The following YPEL1 variants were observed in gnomAD, a reference collection of about 807,000 sequenced individuals.
YPEL1 encodes the protein yippee like 1.
Under a neutral mutation model 17.3 loss-of-function variants are expected in YPEL1, and 7 were observed. That is an observed-to-expected ratio of 0.40 (90% confidence interval 0.23 to 0.76). The LOEUF is 0.76. YPEL1 is among the 30% of genes least tolerant of loss of function. YPEL1 has a pLI of 0.35. For synonymous variants in YPEL1, 59 were observed against 59.6 expected, an observed-to-expected ratio of 0.99 and a Z score of 0.05; for missense variants, 91 against 155.5, an observed-to-expected ratio of 0.59 and a Z score of 2.21.
rs1330300531 is a variant in YPEL1 at position 21,701,072 on chromosome 22, T to C, written c.*57A>G. ...TCACCAGATGCTCCTACGTTTCCATTACATTCACAGTTTCTTTCACAAAAC... is the reference window on the plus strand; with the variant it reads ...TCACCAGATGCTCCTACGTTTCCATCACATTCACAGTTTCTTTCACAAAAC... On this transcript the variant is annotated 3_prime_UTR_variant, in exon 5 of 5. Transcript: ENST00000339468. 6.7e-7 allele frequency: 1 copy of C among 1,502,718 alleles called. No individual in the cohort carries two copies. Among genetic ancestry groups the C allele is most frequent in the African/African-American group, 1.4e-5 (1 of 72,586 alleles). The allele number at this position is 1,502,718 out of a possible 1,614,324, so 93.1% of individuals were successfully genotyped here.
intron 1 of YPEL1, among the ~76,000 whole-genome samples, chr22:21,733,544 G>C (rs184935981): frequency 2.0e-5 from 3 of 152,222 alleles, no homozygotes; most frequent in Admixed American, 6.5e-5. Flanking sequence ...ACCAGCAACA[G>C]AGTGAGATCC....
At chr22:21,719,605 C>G (rs560513656) in intron 1 of YPEL1, among the ~76,000 whole-genome samples, 44 of 152,268 alleles carry the variant, frequency 2.9e-4, no homozygotes, top group African/African-American at 8.4e-4. Flanking sequence ...GTAGTATCAG[C>G]CAGGGGCGGT....
rs1376688549 is a variant in YPEL1, at chr22:21,701,169, A to G, written c.320T>C (p.Ile107Thr). 1 of 1,614,118 alleles carries G rather than the reference A, an allele frequency of 6.2e-7. No homozygotes were observed. The highest frequency in any genetic ancestry group is 1.7e-5 in the Admixed American group (1 of 60,028). ...GTCTTTGATCATATGAGCAAGCTCA[A>G]TGATGAATTTTCCTTCCTTATATTT... ...SQKYKEGKFI[I>T]ELAHMIKDNG... Residue 107 changes from isoleucine (I) to threonine (T), a missense_variant, in exon 5 of 5, where the codon ATT (isoleucine) becomes ACT (threonine). Transcript: ENST00000339468.
chr22:21,707,120 TAAAA>T (rs917460276), intron 2 of YPEL1, among the ~76,000 whole-genome samples: 2 of 151,958 alleles, frequency 1.3e-5, no homozygotes, highest in African/African-American at 2.4e-5. Context: ...TTATATAATT[TAAAA>T]AAAATTAAAA....
chr22:21,718,652 G>A (rs186461891), intron 1 of YPEL1, among the ~76,000 whole-genome samples: 230 of 152,158 alleles, frequency 1.5e-3, no homozygotes, highest in Non-Finnish European at 2.5e-3. Flanking sequence ...ACATCTGCAG[G>A]AGAAGAGAAA....
rs143798268 is a variant in YPEL1 at position 21,716,199 on chromosome 22, G to A, written c.-164-5291C>T. 6.4e-3 allele frequency among the ~76,000 whole-genome samples: 982 copies of A among 152,258 alleles called. 12 individuals carry two copies. Among genetic ancestry groups the A allele is most frequent in the African/African-American group, 0.022 (924 of 41,550 alleles). On this transcript the variant is annotated intron_variant, in intron 1 of 4. Coordinates refer to ENST00000339468, the MANE Select transcript of YPEL1 (RefSeq NM_013313.5). The stretch of plus-strand genomic sequence containing the variant: ...GCTGGGATTACAGGAGTGAGCCACC[G>A]CGCCCAGACTAAAAGTTACATTTTT...
At chr22:21,718,128 C>CAA (rs55677107) in intron 1 of YPEL1, among the ~76,000 whole-genome samples, 1,730 of 130,318 alleles carry the variant, frequency 0.013, 79 homozygotes, top group Admixed American at 0.095. Context: ...GACTCTGTCT[C>CAA]AAAAAAAAAA....
At chr22:21,702,954 CTCTCTG>C (rs1405930541) in intron 4 of YPEL1, among the ~76,000 whole-genome samples, 2 of 152,170 alleles carry the variant, frequency 1.3e-5, no homozygotes, top group East Asian at 3.9e-4. Context: ...CATGGGGCAG[CTCTCTG>C]TCTCTGACTC....
At chr22:21,701,975 CAGA>C (rs1366860852) in intron 4 of YPEL1, among the ~76,000 whole-genome samples, 1 of 152,234 alleles carries the variant, frequency 6.6e-6, no homozygotes, top group South Asian at 2.1e-4. Flanking sequence ...TGCTTCAGCC[CAGA>C]AGGTCAAAGC....
At chr22:21,710,584 CAG>C in intron 2 of YPEL1, 42 bp downstream of exon 2, 1 of 1,448,470 alleles carries the variant, frequency 6.9e-7, no homozygotes, top group Non-Finnish European at 9.7e-7. Flanking sequence ...ACCACAATGA[CAG>C]ATAATCATTG....
intron 1 of YPEL1, among the ~76,000 whole-genome samples, chr22:21,717,403 G>A (rs530118778): frequency 6.6e-6 from 1 of 150,562 alleles, no homozygotes; most frequent in Non-Finnish European, 1.5e-5. Flanking sequence ...CAAAAAAACA[G>A]TGAGGAAGGT....
chr22:21,703,331 C>T lies in YPEL1; in HGVS notation c.270+39G>A, dbSNP rs2068083203. On this transcript the variant is annotated intron_variant, in intron 4 of 4. Transcript: ENST00000339468. The surrounding 1 kb of genome is among the most constrained non-coding windows in gnomAD (Gnocchi z 6.1). ...GTGGCTCAGTGGCAACTTAGTGCCA[C>T]ATCCCCTTGTGGCACGAGCATCCCC... The T allele has an allele frequency of 6.3e-7, 1 of 1,587,546 alleles. No individual in the cohort carries two copies. The highest frequency in any genetic ancestry group is 1.1e-5 in the South Asian group (1 of 90,534).
intron 1 of YPEL1, among the ~76,000 whole-genome samples, chr22:21,718,364 C>T (rs913396522): frequency 2.0e-5 from 3 of 151,850 alleles, no homozygotes; most frequent in Non-Finnish European, 4.4e-5. Context: ...ACTTGGGAGG[C>T]TGAGGCAGGA....
At position 21,710,815 on chromosome 22, in the gene YPEL1, C is replaced by A; in HGVS notation, c.-71G>T. ...ACCGTGGCTCTGCTGGCCTCTCTGA[C>A]AAAAGCAACACTGGAAAATGCACGC... On this transcript the variant is annotated 5_prime_UTR_variant, in exon 2 of 5. Transcript: ENST00000339468. 2 of 1,355,610 alleles carry A rather than the reference C, an allele frequency of 1.5e-6. No homozygotes were observed. The highest frequency in any genetic ancestry group is 3.4e-5 in the Admixed American group (2 of 59,660). The allele number at this position is 1,355,610 out of a possible 1,614,324, so 84.0% of individuals were successfully genotyped here. A position where few individuals can be genotyped will look rare whatever the true frequency, so the allele number is the denominator to read the frequency against.
chr22:21,734,268 G>T (rs187187535), intron 1 of YPEL1, among the ~76,000 whole-genome samples: 1 of 152,232 alleles, frequency 6.6e-6, no homozygotes. Context: ...GTGATTCAAA[G>T]GTGAAAAGGC....
At chr22:21,725,668 C>T (rs1026253485) in intron 1 of YPEL1, among the ~76,000 whole-genome samples, 5 of 152,058 alleles carry the variant, frequency 3.3e-5, no homozygotes, top group Admixed American at 2.6e-4. Flanking sequence ...AATCCTCACA[C>T]GGAGACAGCA....
chr22:21,732,131 G>A (rs1013159128), intron 1 of YPEL1, among the ~76,000 whole-genome samples: 3 of 152,208 alleles, frequency 2.0e-5, no homozygotes, highest in African/African-American at 4.8e-5. Context: ...CAGGTTTTTG[G>A]TACTCAGCAT....
chr22:21,729,168 G>A (rs1198563919), intron 1 of YPEL1, among the ~76,000 whole-genome samples: 6 of 151,864 alleles, frequency 4.0e-5, no homozygotes, highest in African/African-American at 1.2e-4. Flanking sequence ...AAAATTAGCC[G>A]GGCATGGTGG....
At chr22:21,730,934 C>T (rs1222767739) in intron 1 of YPEL1, among the ~76,000 whole-genome samples, 1 of 152,210 alleles carries the variant, frequency 6.6e-6, no homozygotes, top group African/African-American at 2.4e-5. Context: ...CTACCTCTAC[C>T]ACCTCTCCTG....
Sources: gnomAD v4.1 joint callset for allele counts (sites outside exome capture counted in the v4.1 genomes callset) on GRCh38, gnomAD v4.1.1 for gene constraint, Gnocchi (gnomAD v3.1) non-coding constraint, MANE v1.5 for transcripts, NCBI Gene and HGNC (gene_info 2026-07-23, HGNC 2026-07-21) for gene names.